The following WWTR1 variants were observed in gnomAD, a reference collection of about 807,000 sequenced individuals.
The protein encoded by WWTR1 is WW domain-containing transcription regulator protein 1.
Under a neutral mutation model 40.1 loss-of-function variants are expected in WWTR1, and 13 were observed. The observed-to-expected ratio is 0.32, with a 90% CI of 0.21 to 0.52. The LOEUF (loss-of-function observed/expected upper bound fraction) is 0.52, where lower values mean the gene tolerates loss of function less well. Ranked by LOEUF, WWTR1 falls within the 20% of genes least tolerant of loss-of-function variation. The probability of loss-of-function intolerance (pLI) is 0.97; values close to 1 mark genes in which losing one functional copy is unlikely to be tolerated. For synonymous variants in WWTR1, 230 were observed against 210.1 expected (o/e 1.09, Z -0.82); for missense variants, 436 against 523.1 (o/e 0.83, Z 1.63).
intron 2 of WWTR1, among the ~76,000 whole-genome samples, chr3:149,637,686 C>T (rs1408929909): frequency 6.6e-6 from 1 of 152,156 alleles, no homozygotes; most frequent in Non-Finnish European, 1.5e-5. Flanking sequence ...TTACACGACA[C>T]TCTGATGGAC....
In WWTR1 at chr3:149,709,462, G is replaced by C. The variant is rs143260731; in HGVS notation, n.585-6134C>G. On this transcript the variant is annotated intron_variant and non_coding_transcript_variant, in intron 5 of 6. Coordinates refer to the WWTR1 transcript ENST00000474080. ...AATTATTTGCCCATTTTTAAATAAG[G>C]TTGTTTTGTGGTTGCTGTTATTATT... 1.2e-4 allele frequency among the ~76,000 whole-genome samples: 19 copies of C among 152,084 alleles called. 1 individual carries two copies. In the East Asian group the frequency reaches 3.7e-3, roughly 29 times the overall value.
intron 1 of WWTR1, among the ~76,000 whole-genome samples, chr3:149,699,482 G>A (rs965906885): frequency 6.6e-6 from 1 of 151,918 alleles, no homozygotes; most frequent in African/African-American, 2.4e-5. Context: ...TAGTAGAGAT[G>A]GGGTTTCTCC....
chr3:149,578,522 C>T (rs182822286), intron 2 of WWTR1, among the ~76,000 whole-genome samples: 7 of 152,262 alleles, frequency 4.6e-5, no homozygotes, highest in African/African-American at 1.7e-4. Context: ...ACCTATTATG[C>T]ATGATGGGTG....
At chr3:149,562,080 A>G (rs2107976529) in intron 3 of WWTR1, among the ~76,000 whole-genome samples, 1 of 152,258 alleles carries the variant, frequency 6.6e-6, no homozygotes. Flanking sequence ...GGATCACCTG[A>G]GGTCAGGAGT....
intron 5 of WWTR1, among the ~76,000 whole-genome samples, chr3:149,717,003 C>A (rs1715619821): frequency 1.3e-5 from 2 of 151,974 alleles, no homozygotes; most frequent in South Asian, 2.1e-4. Flanking sequence ...TAGGGTGAAC[C>A]CTGTCTCTAT....
At chr3:149,587,267 G>C (rs1292751945) in intron 2 of WWTR1, among the ~76,000 whole-genome samples, 6 of 152,162 alleles carry the variant, frequency 3.9e-5, no homozygotes, top group Non-Finnish European at 8.8e-5. Context: ...TAGGGAATCG[G>C]AAGTGCTGTG....
At chr3:149,665,517 G>T (rs1041507205) in intron 2 of WWTR1, among the ~76,000 whole-genome samples, 2 of 152,002 alleles carry the variant, frequency 1.3e-5, no homozygotes, top group African/African-American at 4.8e-5. Flanking sequence ...GAGTTACTGC[G>T]CCCGGCTCAG....
intron 2 of WWTR1, among the ~76,000 whole-genome samples, chr3:149,652,710 T>C (rs922436157): frequency 2.2e-5 from 2 of 88,930 alleles, no homozygotes; most frequent in African/African-American, 8.9e-5. Flanking sequence ...AAATTTAAAA[T>C]ATTATAAACA....
intron 2 of WWTR1, among the ~76,000 whole-genome samples, chr3:149,608,044 T>C (rs985796428): frequency 1.3e-5 from 2 of 152,320 alleles, no homozygotes; most frequent in East Asian, 1.9e-4. Flanking sequence ...ACTCAAGAAC[T>C]ATTTGTTACA....
chr3:149,581,704 T>C (rs1738158365), intron 2 of WWTR1, among the ~76,000 whole-genome samples: 1 of 152,204 alleles, frequency 6.6e-6, no homozygotes, highest in African/African-American at 2.4e-5. Context: ...ACTACCAGGC[T>C]CTAATCCTCG....
chr3:149,593,350 TTTAA>T (rs1277907276), intron 2 of WWTR1, among the ~76,000 whole-genome samples: 4 of 152,312 alleles, frequency 2.6e-5, no homozygotes, highest in Admixed American at 2.0e-4. Flanking sequence ...ATTACTTCTA[TTTAA>T]TTGATTGTAC....
At chr3:149,576,970 C>T (rs1737913392) in intron 2 of WWTR1, among the ~76,000 whole-genome samples, 1 of 152,156 alleles carries the variant, frequency 6.6e-6, no homozygotes, top group Non-Finnish European at 1.5e-5. Flanking sequence ...CCAGCCTGAC[C>T]AACATGGAGA....
intron 2 of WWTR1, among the ~76,000 whole-genome samples, chr3:149,651,578 C>T (rs1307454405): frequency 6.6e-6 from 1 of 152,056 alleles, no homozygotes; most frequent in African/African-American, 2.4e-5. Flanking sequence ...ATCAGAAATA[C>T]TAGGGAAAAA....
At chr3:149,664,665 C>T (rs1335760986) in intron 2 of WWTR1, among the ~76,000 whole-genome samples, 1 of 151,602 alleles carries the variant, frequency 6.6e-6, no homozygotes, top group East Asian at 1.9e-4. Context: ...CTCGGCTCAC[C>T]GCAACCTCCA....
rs144925457 is a variant in WWTR1 at position 149,561,202 on chromosome 3, A to G, written c.568+11662T>C. Among the ~76,000 whole-genome samples, 64 of 152,352 alleles carry G rather than the reference A, an allele frequency of 4.2e-4. No individual in the cohort carries two copies. The East Asian group carries it at 0.012, about 29-fold the overall frequency. ...ATCAACCTATATGTCTCTCAATAGA[A>G]GAATTGGTTAAATAAATTATGGCAT... On this transcript the variant is annotated intron_variant, in intron 3 of 6. Transcript: ENST00000360632.
chr3:149,674,551 C>T (rs1476498970), intron 1 of WWTR1, among the ~76,000 whole-genome samples: 4 of 151,862 alleles, frequency 2.6e-5, no homozygotes, highest in Non-Finnish European at 5.9e-5. Context: ...CATACCACTG[C>T]ACTCCATCTT....
In WWTR1 at chr3:149,665,819, T is replaced by C. The variant is rs1418749337; in HGVS notation, c.-4+3969A>G. On this transcript the variant is annotated intron_variant, in intron 2 of 7. Transcript: ENST00000465804. The stretch of plus-strand genomic sequence containing the variant: ...AAATATTTCTCTTTGTGTGCTTATA[T>C]CTGTATATATGTGTAACATGATAAC... Among the ~76,000 whole-genome samples, 3 of 152,338 alleles carry C rather than the reference T, an allele frequency of 2.0e-5. No individual in the cohort carries two copies. In the East Asian group the frequency reaches 5.8e-4, roughly 29 times the overall value.
chr3:149,533,747 A>T (rs910780227), intron 4 of WWTR1, among the ~76,000 whole-genome samples: 1 of 152,128 alleles, frequency 6.6e-6, no homozygotes, highest in African/African-American at 2.4e-5. Flanking sequence ...CTTTCTTGAC[A>T]GTTTGTTCAC....
At chr3:149,582,709 G>A (rs373835987) in intron 2 of WWTR1, among the ~76,000 whole-genome samples, 2 of 151,896 alleles carry the variant, frequency 1.3e-5, no homozygotes, top group Non-Finnish European at 1.5e-5. Flanking sequence ...CAGTGTGGGC[G>A]GCAGAGCAAA....
Sources: gnomAD v4.1 joint callset for allele counts (sites outside exome capture counted in the v4.1 genomes callset) on GRCh38, gnomAD v4.1.1 for gene constraint, MANE v1.5 for transcripts, NCBI Gene and HGNC (gene_info 2026-07-23, HGNC 2026-07-21) for gene names.